The following CNTN4 variants were observed in gnomAD, a reference collection of about 807,000 sequenced individuals.
CNTN4 encodes the protein contactin 4.
In CNTN4, 77 loss-of-function variants were observed where a neutral mutation model predicts 122.5. The observed-to-expected ratio is 0.63, with a 90% CI of 0.52 to 0.76. The LOEUF is 0.76. Among genes scored for constraint, CNTN4 ranks in the 30% least tolerant of loss-of-function variants. The pLI, the probability that CNTN4 is intolerant of heterozygous loss-of-function variation, is 0.00. For synonymous variants in CNTN4, 512 were observed against 447.0 expected (o/e 1.15, Z -1.83); for missense variants, 1,256 against 1,259.1 (o/e 1.00, Z 0.04).
At chr3:2,506,903 C>T (rs776494302) in intron 3 of CNTN4, among the ~76,000 whole-genome samples, 8 of 151,824 alleles carry the variant, frequency 5.3e-5, no homozygotes, top group Non-Finnish European at 8.8e-5. Flanking sequence ...AGGGCCTTGA[C>T]GTTTTTATTT....
intron 7 of CNTN4, among the ~76,000 whole-genome samples, chr3:2,840,620 A>AC (rs1364662831): frequency 1.5e-5 from 2 of 129,772 alleles, no homozygotes; most frequent in African/African-American, 5.4e-5. Flanking sequence ...AATGGCGGGA[A>AC]CCCGGGAGGC....
intron 13 of CNTN4, among the ~76,000 whole-genome samples, chr3:2,970,189 G>A (rs958684218): frequency 1.3e-5 from 2 of 151,994 alleles, no homozygotes; most frequent in Non-Finnish European, 2.9e-5. Context: ...CTAACTCCTG[G>A]GCTCAAGCAA....
At chr3:2,569,880 G>A (rs560725596) in intron 3 of CNTN4, among the ~76,000 whole-genome samples, 1 of 152,176 alleles carries the variant, frequency 6.6e-6, no homozygotes, top group South Asian at 2.1e-4. Context: ...CTTGATAACG[G>A]GATATCATAT....
At position 2,487,416 on chromosome 3, in the gene CNTN4, C is replaced by T. The variant is rs142013388; in HGVS notation, c.-88-84000C>T. 7.8e-4 allele frequency among the ~76,000 whole-genome samples: 119 copies of T among 152,332 alleles called. 3 individuals carry two copies. The East Asian group carries it at 0.021, about 26-fold the overall frequency. On this transcript the variant is annotated intron_variant, in intron 3 of 24. Transcript: ENST00000418658. ...CAAACTTCCCTTCCCTCCCTTTCTA[C>T]CATCCAACCAATTTACCAGCCAAGC...
intron 2 of CNTN4, among the ~76,000 whole-genome samples, chr3:2,252,400 A>T (rs1352970253): frequency 6.6e-6 from 1 of 152,024 alleles, no homozygotes; most frequent in African/African-American, 2.4e-5. Flanking sequence ...ATATTTCTAA[A>T]CATGTTTCCA....
intron 2 of CNTN4, among the ~76,000 whole-genome samples, chr3:2,160,160 T>A (rs1292731917): frequency 6.6e-6 from 1 of 152,228 alleles, no homozygotes; most frequent in Non-Finnish European, 1.5e-5. Context: ...TTTTTTATCA[T>A]TGAATGTCAG....
At chr3:2,799,279 T>A (rs958579859) in intron 6 of CNTN4, among the ~76,000 whole-genome samples, 1 of 152,208 alleles carries the variant, frequency 6.6e-6, no homozygotes, top group African/African-American at 2.4e-5. Context: ...TTCCTTCTAT[T>A]CTTCAGATTG....
At chr3:2,812,248 C>G (rs1313926508) in intron 6 of CNTN4, among the ~76,000 whole-genome samples, 2 of 152,096 alleles carry the variant, frequency 1.3e-5, no homozygotes, top group African/African-American at 4.8e-5. Context: ...TGTAACAAAC[C>G]TGCACATGTA....
intron 13 of CNTN4, among the ~76,000 whole-genome samples, chr3:2,941,939 C>T (rs2094620325): frequency 6.6e-6 from 1 of 152,220 alleles, no homozygotes; most frequent in South Asian, 2.1e-4. Flanking sequence ...TACCGCACTT[C>T]TCACTATAAC....
Position 2,275,457 on chromosome 3 carries a change from TC to T in CNTN4, c.-144-63720del, listed in dbSNP as rs1327485763. 9.8e-5 allele frequency among the ~76,000 whole-genome samples: 15 copies of T among 152,298 alleles called. No individual in the cohort carries two copies. The East Asian group carries it at 2.7e-3, about 27-fold the overall frequency. On this transcript the variant is annotated intron_variant, in intron 2 of 24. Coordinates refer to ENST00000418658, the MANE Select transcript of CNTN4 (RefSeq NM_175607.3). ...TTTCCTATAATAGTATTCTACACTT[TC>T]TATTCTCTGACTCTTAGGAATCACT...
chr3:2,429,662 T>C (rs184502974), intron 3 of CNTN4, among the ~76,000 whole-genome samples: 211 of 152,324 alleles, frequency 1.4e-3, no homozygotes, highest in African/African-American at 4.8e-3. Context: ...TTTGTTCAGC[T>C]GTGCCATGCC....
At chr3:2,995,541 C>G (rs1366135747) in intron 14 of CNTN4, among the ~76,000 whole-genome samples, 1 of 152,172 alleles carries the variant, frequency 6.6e-6, no homozygotes, top group African/African-American at 2.4e-5. Context: ...TTTCTCTATG[C>G]CAACTCTGTC....
At chr3:2,904,214 T>A (rs2094205334) in intron 12 of CNTN4, among the ~76,000 whole-genome samples, 1 of 152,190 alleles carries the variant, frequency 6.6e-6, no homozygotes, top group Non-Finnish European at 1.5e-5. Flanking sequence ...TGGAAGACTA[T>A]GAATAAGAGA....
intron 13 of CNTN4, among the ~76,000 whole-genome samples, chr3:2,988,011 G>T (rs1257615706): frequency 6.6e-6 from 1 of 152,108 alleles, no homozygotes; most frequent in Non-Finnish European, 1.5e-5. Flanking sequence ...TAAGACTAAT[G>T]GTGATCTACC....
At chr3:2,541,534 G>T (rs2078031798) in intron 3 of CNTN4, among the ~76,000 whole-genome samples, 1 of 152,050 alleles carries the variant, frequency 6.6e-6, no homozygotes, top group Non-Finnish European at 1.5e-5. Flanking sequence ...ACAATAGAAG[G>T]TAAGCTTTGG....
At chr3:2,512,081 A>G (rs1036713612) in intron 3 of CNTN4, among the ~76,000 whole-genome samples, 8 of 152,160 alleles carry the variant, frequency 5.3e-5, no homozygotes, top group African/African-American at 1.9e-4. Flanking sequence ...ATGCCTGTAT[A>G]AAAGAAGTGC....
chr3:2,219,976 T>G (rs1340570756), intron 2 of CNTN4, among the ~76,000 whole-genome samples: 1 of 152,182 alleles, frequency 6.6e-6, no homozygotes, highest in Admixed American at 6.6e-5. Flanking sequence ...AAATATTGTT[T>G]TTTTGCTTGT....
At chr3:2,846,035 C>T (rs139736221) in intron 7 of CNTN4, among the ~76,000 whole-genome samples, 28 of 152,306 alleles carry the variant, frequency 1.8e-4, no homozygotes, top group South Asian at 1.2e-3. Flanking sequence ...GGTGTGGGAG[C>T]AGGTCCTTGA....
chr3:2,966,831 G>A (rs1317835408), intron 13 of CNTN4, among the ~76,000 whole-genome samples: 2 of 152,110 alleles, frequency 1.3e-5, no homozygotes, highest in Non-Finnish European at 2.9e-5. Context: ...TCTCTACATA[G>A]ACAGATTATT....
Sources: allele counts gnomAD v4.1 joint callset (sites outside exome capture counted in the v4.1 genomes callset), GRCh38; gene constraint gnomAD v4.1.1; transcripts MANE v1.5; gene names NCBI Gene and HGNC (gene_info 2026-07-23, HGNC 2026-07-21).